The following MFHAS1 variants were observed in gnomAD, a reference collection of about 807,000 sequenced individuals.
The protein encoded by MFHAS1 is malignant fibrous histiocytoma-amplified sequence 1.
MFHAS1 carries 50 observed loss-of-function variants against 70.4 expected under a neutral mutation model. The ratio of observed to expected loss-of-function variants is 0.71; its 90% confidence interval spans 0.57 to 0.90. MFHAS1 has a LOEUF of 0.90. MFHAS1 is among the 40% of genes least tolerant of loss of function. The pLI is 0.00. For synonymous variants in MFHAS1, 952 were observed against 620.0 expected, an observed-to-expected ratio of 1.54 and a Z score of -7.96; for missense variants, 1,795 against 1,347.6, an observed-to-expected ratio of 1.33 and a Z score of -5.20.
intron 1 of MFHAS1, among the ~76,000 whole-genome samples, chr8:8,831,461 G>A (rs900004339): frequency 1.5e-4 from 23 of 151,982 alleles, no homozygotes; most frequent in African/African-American, 5.3e-4. Context: ...AAGCAGGGTC[G>A]GGCCTCGTTA....
At chr8:8,841,240 C>T (rs559422060) in intron 1 of MFHAS1, among the ~76,000 whole-genome samples, 2 of 152,046 alleles carry the variant, frequency 1.3e-5, no homozygotes, top group African/African-American at 2.4e-5. Context: ...TTTGGGAGGC[C>T]GAGGCAGGCG....
chr8:8,813,562 C>T (rs1806629621), intron 1 of MFHAS1, among the ~76,000 whole-genome samples: 3 of 151,572 alleles, frequency 2.0e-5, no homozygotes, highest in Admixed American at 1.3e-4. Context: ...TTCATTTTAA[C>T]AAAAAAGCTT....
At chr8:8,829,405 G>A (rs1205490311) in intron 1 of MFHAS1, among the ~76,000 whole-genome samples, 1 of 152,232 alleles carries the variant, frequency 6.6e-6, no homozygotes, top group Non-Finnish European at 1.5e-5. Flanking sequence ...GATCTGTCCA[G>A]CGCCATGGCC....
intron 1 of MFHAS1, among the ~76,000 whole-genome samples, chr8:8,812,715 G>A (rs1806595087): frequency 6.6e-6 from 1 of 152,156 alleles, no homozygotes; most frequent in African/African-American, 2.4e-5. Context: ...TTTGCCATAG[G>A]TTTTTTAGTG....
intron 1 of MFHAS1, among the ~76,000 whole-genome samples, chr8:8,842,588 C>T (rs1450122209): frequency 1.3e-5 from 2 of 152,174 alleles, no homozygotes; most frequent in Non-Finnish European, 2.9e-5. Context: ...GAAGCCTCAT[C>T]CGTACAGCCT....
intron 1 of MFHAS1, among the ~76,000 whole-genome samples, chr8:8,869,774 G>T (rs1197685731): frequency 6.6e-6 from 1 of 152,146 alleles, no homozygotes; most frequent in Non-Finnish European, 1.5e-5. Context: ...CATGCTTTCT[G>T]TCTAATGGAT....
chr8:8,848,610 G>A (rs1448715407), intron 1 of MFHAS1, among the ~76,000 whole-genome samples: 1 of 133,760 alleles, frequency 7.5e-6, no homozygotes, highest in Non-Finnish European at 1.7e-5. Flanking sequence ...ACGGAGCTGG[G>A]CAGTTATTAA....
rs542907097 is a variant in MFHAS1, at chr8:8,890,284, C to T, written c.2775G>A (p.Val925=). 20 of 1,614,202 alleles carry T rather than the reference C, an allele frequency of 1.2e-5. No homozygotes were observed. In the Admixed American group the frequency reaches 2.2e-4, roughly 17 times the overall value. Residue 925 remains valine (V), a synonymous_variant, in exon 1 of 3, where the codon GTG becomes GTA. Coordinates refer to ENST00000276282, the MANE Select transcript of MFHAS1 (RefSeq NM_004225.3). The part of the protein sequence containing the change: ...QIFAYRGKVP[V]VVSYRPARGV... ...CCCTGGCAGGTCTGTAACTCACAAC[C>T]ACAGGAACTTTCCCTCTATAGGCAA...
Position 8,783,749 on chromosome 8 carries a change from G to C in MFHAS1, c.*2273C>G, listed in dbSNP as rs11906. Reference sequence around the variant, plus strand: ...TGCTTAGTGAATCACCTATCGCCTCGGTGGGCTGCTGTGTCTTTCCAGGTG... The same window carrying C: ...TGCTTAGTGAATCACCTATCGCCTCCGTGGGCTGCTGTGTCTTTCCAGGTG... On this transcript the variant is annotated 3_prime_UTR_variant, in exon 3 of 3. Transcript: ENST00000276282. 1 of 152,100 alleles carries C rather than the reference G, an allele frequency of 6.6e-6. No individual in the cohort carries two copies. Among genetic ancestry groups the C allele is most frequent in the Non-Finnish European group, 1.5e-5 (1 of 67,998 alleles). 9.4% of individuals were successfully genotyped at this position (152,100 alleles called of 1,614,324 possible).
chr8:8,853,307 C>T (rs1720275997), intron 1 of MFHAS1, among the ~76,000 whole-genome samples: 1 of 152,026 alleles, frequency 6.6e-6, no homozygotes, highest in Non-Finnish European at 1.5e-5. Context: ...TCCTGTCCTA[C>T]CTGCCCCTTT....
rs192582200 is a variant in MFHAS1, at chr8:8,875,709, G to C, written c.2998+14352C>G. ...GGGTTCAAGCGATTCTCCTGCCTCA[G>C]CCTCCTGAGTAGCTGGGATTACAGG... is the stretch of plus-strand genomic sequence containing the variant. On this transcript the variant is annotated intron_variant, in intron 1 of 2. Transcript: ENST00000276282. 7.0e-3 allele frequency among the ~76,000 whole-genome samples: 1,059 copies of C among 152,214 alleles called. 17 individuals carry two copies. The highest frequency in any genetic ancestry group is 0.025 in the African/African-American group (1,021 of 41,504).
intron 1 of MFHAS1, among the ~76,000 whole-genome samples, chr8:8,883,168 A>G (rs1809596370): frequency 6.6e-6 from 1 of 151,766 alleles, no homozygotes; most frequent in Non-Finnish European, 1.5e-5. Context: ...AAAAACAAAA[A>G]GAAAAGAAAA....
At chr8:8,831,803 T>A (rs142430501) in intron 1 of MFHAS1, among the ~76,000 whole-genome samples, 95 of 152,216 alleles carry the variant, frequency 6.2e-4, no homozygotes, top group African/African-American at 2.2e-3. Flanking sequence ...GAGACGGGTT[T>A]CACCATGTTA....
intron 1 of MFHAS1, among the ~76,000 whole-genome samples, chr8:8,836,397 G>C (rs891249054): frequency 6.6e-6 from 1 of 152,170 alleles, no homozygotes; most frequent in African/African-American, 2.4e-5. Flanking sequence ...TTGTTTTTTA[G>C]AGACAGGGTC....
In MFHAS1 at chr8:8,893,444, G is replaced by A. The variant is rs1810182743; in HGVS notation, c.-386C>T. The A allele has an allele frequency of 6.8e-6, 1 of 146,062 alleles. No homozygotes were observed. The highest frequency in any genetic ancestry group is 1.5e-5 in the Non-Finnish European group (1 of 65,668). 9.0% of individuals were successfully genotyped at this position (146,062 alleles called of 1,614,324 possible). On this transcript the variant is annotated 5_prime_UTR_variant, in exon 1 of 3. Transcript: ENST00000276282. ...AGCCGCGGTCCCGCGGCCGGCAGCG[G>A]CGTCGCCTCCTCGAGCTCCTGGGGG...
chr8:8,808,817 C>A (rs78565961), intron 1 of MFHAS1, among the ~76,000 whole-genome samples: 4,458 of 152,162 alleles, frequency 0.029, 124 homozygotes, highest in South Asian at 0.11. Flanking sequence ...CAGTAGGGTA[C>A]TTGGAAAGCA....
chr8:8,817,584 C>T (rs925045787), intron 1 of MFHAS1, among the ~76,000 whole-genome samples: 2 of 152,244 alleles, frequency 1.3e-5, no homozygotes, highest in African/African-American at 4.8e-5. Context: ...TCCATCCCAG[C>T]CCGCAGATGG....
intron 1 of MFHAS1, among the ~76,000 whole-genome samples, chr8:8,874,913 A>C (rs935388869): frequency 6.6e-6 from 1 of 152,086 alleles, no homozygotes; most frequent in Non-Finnish European, 1.5e-5. Flanking sequence ...ATTAAAAAAA[A>C]AAAAAGAAAA....
chr8:8,881,830 AAAAAG>A (rs1229133707), intron 1 of MFHAS1, among the ~76,000 whole-genome samples: 1 of 151,726 alleles, frequency 6.6e-6, no homozygotes, highest in Non-Finnish European at 1.5e-5. Flanking sequence ...AAAAAAAAAA[AAAAAG>A]AAAGCAGCAG....
Sources: gnomAD v4.1 joint callset for allele counts (sites outside exome capture counted in the v4.1 genomes callset) on GRCh38, gnomAD v4.1.1 for gene constraint, MANE v1.5 for transcripts, NCBI Gene and HGNC (gene_info 2026-07-23, HGNC 2026-07-21) for gene names.